The following UNC5CL variants were observed in gnomAD, a reference collection of about 807,000 sequenced individuals.
UNC5CL encodes unc-5 family C-terminal like.
UNC5CL carries 42 observed loss-of-function variants against 54.1 expected under a neutral mutation model. The ratio of observed to expected loss-of-function variants is 0.78; its 90% CI spans 0.61 to 1.00. The LOEUF is 1.00. Ranked by LOEUF, UNC5CL falls within the 50% of genes least tolerant of loss-of-function variation. UNC5CL has a pLI of 0.00. For synonymous variants in UNC5CL, 285 were observed against 285.1 expected (o/e 1.00, Z 0.00); for missense variants, 619 against 675.6 (o/e 0.92, Z 0.93).
chr6:41,028,394 C>G lies in UNC5CL; in HGVS notation c.1536G>C (p.Leu512=), dbSNP rs1271469420. 6.3e-7 allele frequency: 1 copy of G among 1,597,526 alleles called. No individual in the cohort carries two copies. Among genetic ancestry groups the G allele is most frequent in the South Asian group, 1.1e-5 (1 of 89,720 alleles). The part of the protein sequence containing the change: ...ERGGARDNQG[L]ELDEKL ...GCGCTCAGAGCTTCTCGTCCAGCTC[C>G]AGGCCCTGGTTATCCCGGGCGCCCC... The change falls in exon 9 of 9, where the codon CTG becomes CTC. Residue 512 remains leucine (L), a synonymous_variant. Transcript: ENST00000244565. This position sits in a 1 kb window ranked among gnomAD's most constrained non-coding sequence, Gnocchi z 4.3.
rs774841423 is a variant in UNC5CL, at chr6:41,031,752, TA to T, written c.1052-5del. 7.6e-5 allele frequency: 123 copies of T among 1,613,974 alleles called. No individual in the cohort carries two copies. Among genetic ancestry groups the T allele is most frequent in the Non-Finnish European group, 8.4e-5 (99 of 1,180,018 alleles). ...GAACAGTCCTCATTCTCATCGGCTA[TA>T]AAGAGAAGGTGACAGCGTGGCCAGT... On this transcript the variant is annotated splice_region_variant and splice_polypyrimidine_tract_variant and intron_variant, in intron 5 of 8. Coordinates refer to ENST00000244565, the MANE Select transcript of UNC5CL (RefSeq NM_173561.3).
At position 41,038,638 on chromosome 6, in the gene UNC5CL, C is replaced by G. The variant is rs571023252; in HGVS notation, c.-62+524G>C. 1.1e-4 allele frequency among the ~76,000 whole-genome samples: 17 copies of G among 152,310 alleles called. No homozygotes were observed. In the South Asian group the frequency reaches 3.5e-3, roughly 32 times the overall value. On this transcript the variant is annotated intron_variant, in intron 1 of 8. Transcript: ENST00000244565. ...GACTTGGGGCATCCCAACCCCATGC[C>G]TGGACTCCTCATTACCCACTCCTCC...
Position 41,028,327 on chromosome 6 carries a change from A to C in UNC5CL, c.*46T>G. The stretch of plus-strand genomic sequence containing the variant: ...GTGTTCCTCTTAGGCGTAGGAGAAC[A>C]ACCCCTCTCGCCCCTACACCTCCTC... On this transcript the variant is annotated 3_prime_UTR_variant, in exon 9 of 9. Transcript: ENST00000244565. The surrounding 1 kb of genome is among the most constrained non-coding windows in gnomAD (Gnocchi z 4.3). 6.7e-7 allele frequency: 1 copy of C among 1,490,054 alleles called. No homozygotes were observed. Among genetic ancestry groups the C allele is most frequent in the Non-Finnish European group, 9.0e-7 (1 of 1,114,068 alleles). 92.3% of individuals were successfully genotyped at this position (1,490,054 alleles called of 1,614,324 possible).
rs1166836167 is a variant in UNC5CL, at chr6:41,030,737, T to A, written c.1138A>T (p.Met380Leu). The change falls in exon 7 of 9, where the codon ATG becomes TTG. Residue 380 changes from methionine to leucine, a missense_variant. Met to Leu is a conservative substitution (Grantham distance 15, BLOSUM62 2). Coordinates refer to ENST00000244565, the MANE Select transcript of UNC5CL (RefSeq NM_173561.3). Reference protein sequence around the residue: ...TFQDGLETKYMEILRFQASEE... With the variant: ...TFQDGLETKYLEILRFQASEE... ...GATGCCTGGAATCTGAGGATTTCCA[T>A]ATACTTGGTCTCCAAGCCCTGAGTC... 3.1e-6 allele frequency: 5 copies of A among 1,613,942 alleles called. No homozygotes were observed. The highest frequency in any genetic ancestry group is 4.2e-6 in the Non-Finnish European group (5 of 1,179,998).
intron 4 of UNC5CL, among the ~76,000 whole-genome samples, chr6:41,032,672 A>AAT (rs2114008187): frequency 6.6e-6 from 1 of 152,268 alleles, no homozygotes; most frequent in South Asian, 2.1e-4. Context: ...GAGGCAGGAG[A>AAT]ATAACTTGAA....
intron 1 of UNC5CL, among the ~76,000 whole-genome samples, chr6:41,037,255 A>G (rs1762536701): frequency 6.6e-6 from 1 of 152,222 alleles, no homozygotes; most frequent in Non-Finnish European, 1.5e-5. Flanking sequence ...CCGGCTGTGT[A>G]TCGGACACTG....
chr6:41,032,840 G>A, intron 4 of UNC5CL, 44 bp downstream of exon 4: 1 of 1,529,042 alleles, frequency 6.5e-7, no homozygotes, highest in Non-Finnish European at 8.8e-7. Flanking sequence ...TCATTCCTGT[G>A]GGGCTCCCGA....
rs1762405529 is a variant in UNC5CL at position 41,027,849 on chromosome 6, CT to C, written c.*523del. On this transcript the variant is annotated 3_prime_UTR_variant, in exon 9 of 9. Coordinates refer to ENST00000244565, the MANE Select transcript of UNC5CL (RefSeq NM_173561.3). ...CTCCAGCCCGCACTCAGCTCTTCCC[CT>C]CTCAACTCCTAAAGCCACACCCACC... is the stretch of plus-strand genomic sequence containing the variant. 2 of 153,076 alleles carry C rather than the reference CT, an allele frequency of 1.3e-5. No homozygotes were observed. The highest frequency in any genetic ancestry group is 1.3e-4 in the Admixed American group (2 of 15,300). The allele number at this position is 153,076 out of a possible 1,614,324, so 9.5% of individuals were successfully genotyped here.
chr6:41,027,258 A>G lies in UNC5CL; in HGVS notation c.*1115T>C, dbSNP rs996655253. On this transcript the variant is annotated 3_prime_UTR_variant, in exon 9 of 9. Coordinates refer to ENST00000244565, the MANE Select transcript of UNC5CL (RefSeq NM_173561.3). Reference sequence around the variant, plus strand: ...CCTGTCTCTTTCAACAGTCTTTGATACATAACATTGGTTTAGAGACATATG... The same window carrying G: ...CCTGTCTCTTTCAACAGTCTTTGATGCATAACATTGGTTTAGAGACATATG... 8 of 152,228 alleles carry G rather than the reference A, an allele frequency of 5.3e-5. No individual in the cohort carries two copies. Among genetic ancestry groups the G allele is most frequent in the African/African-American group, 1.7e-4 (7 of 41,436 alleles). 9.4% of individuals were successfully genotyped at this position (152,228 alleles called of 1,614,324 possible).
At position 41,034,776 on chromosome 6, in the gene UNC5CL, A is replaced by G; in HGVS notation, c.299T>C (p.Leu100Pro). 1 of 1,614,038 alleles carries G rather than the reference A, an allele frequency of 6.2e-7. No individual in the cohort carries two copies. The highest frequency in any genetic ancestry group is 2.2e-5 in the East Asian group (1 of 44,880). Reference protein sequence around the residue: ...QTMVRQLMHKLLVFSAREVDH... With the variant: ...QTMVRQLMHKPLVFSAREVDH... ...CACCTCTCGAGCCGAAAACACCAAC[A>G]GTTTGTGCATCAACTGGCGGACCAT... The change falls in exon 2 of 9, where the codon CTG (leucine) becomes CCG (proline). Residue 100 changes from leucine (L) to proline (P), a missense_variant. By Grantham distance (98) the Leu-to-Pro change is moderately conservative. Coordinates refer to ENST00000244565, the MANE Select transcript of UNC5CL (RefSeq NM_173561.3).
Position 41,035,095 on chromosome 6 carries a change from G to A in UNC5CL, c.-21C>T, listed in dbSNP as rs541862065. On this transcript the variant is annotated 5_prime_UTR_variant, in exon 2 of 9. Coordinates refer to ENST00000244565, the MANE Select transcript of UNC5CL (RefSeq NM_173561.3). ...CACATTCGCCTGGTTACTCAATGCCGCTGGCTCTCCTTCACCCCTGTGCCA... is the reference window on the plus strand; with the variant it reads ...CACATTCGCCTGGTTACTCAATGCCACTGGCTCTCCTTCACCCCTGTGCCA... 49 of 1,537,760 alleles carry A rather than the reference G, an allele frequency of 3.2e-5. No homozygotes were observed. Among genetic ancestry groups the A allele is most frequent in the Middle Eastern group, 2.4e-4 (1 of 4,088 alleles).
Position 41,028,410 on chromosome 6 carries a change from C to G in UNC5CL, c.1520G>C (p.Arg507Pro). The G allele has an allele frequency of 6.2e-7, 1 of 1,606,830 alleles. No individual in the cohort carries two copies. Among genetic ancestry groups the G allele is most frequent in the Non-Finnish European group, 8.5e-7 (1 of 1,176,968 alleles). Reference protein sequence around the residue: ...GSPGPERGGARDNQGLELDEK... With the variant: ...GSPGPERGGAPDNQGLELDEK... The stretch of plus-strand genomic sequence containing the variant: ...GTCCAGCTCCAGGCCCTGGTTATCC[C>G]GGGCGCCCCCGCGCTCGGGGCCTGG... Residue 507 changes from arginine (R) to proline (P), a missense_variant, in exon 9 of 9, where the codon CGG becomes CCG. Physicochemically the swap from Arg to Pro is moderately radical, Grantham distance 103. Coordinates refer to ENST00000244565, the MANE Select transcript of UNC5CL (RefSeq NM_173561.3). The surrounding 1 kb of genome is among the most constrained non-coding windows in gnomAD (Gnocchi z 4.3).
Position 41,028,698 on chromosome 6 carries a change from C to A in UNC5CL, c.1335-103G>T. The A allele has an allele frequency of 4.5e-6, 5 of 1,106,580 alleles. No individual in the cohort carries two copies. Among genetic ancestry groups the A allele is most frequent in the Non-Finnish European group, 6.4e-6 (5 of 780,390 alleles). The allele number at this position is 1,106,580 out of a possible 1,614,324, so 68.5% of individuals were successfully genotyped here. ...GCGCAGCGCAAGGTCCGTCCCTTCC[C>A]CATCCTGTAGCTTTTGTCCTTGTCC... On this transcript the variant is annotated intron_variant, in intron 8 of 8. Coordinates refer to ENST00000244565, the MANE Select transcript of UNC5CL (RefSeq NM_173561.3). The surrounding 1 kb of genome is among the most constrained non-coding windows in gnomAD (Gnocchi z 4.3).
chr6:41,033,678 T>C, intron 3 of UNC5CL: 1 of 611,872 alleles, frequency 1.6e-6, no homozygotes, highest in Non-Finnish European at 2.8e-6. Flanking sequence ...GCAATGGGAT[T>C]TGCAGTCATG....
rs1346574724 is a variant in UNC5CL at position 41,027,088 on chromosome 6, A to G, written c.*1285T>C. Reference sequence around the variant, plus strand: ...CCCAGCCCATTCATGTCTTTTGTATACAGTATCAAACACATAGTAGGTGCT... The same window carrying G: ...CCCAGCCCATTCATGTCTTTTGTATGCAGTATCAAACACATAGTAGGTGCT... On this transcript the variant is annotated 3_prime_UTR_variant, in exon 9 of 9. Transcript: ENST00000244565. 1 of 152,208 alleles carries G rather than the reference A, an allele frequency of 6.6e-6. No individual in the cohort carries two copies. Among genetic ancestry groups the G allele is most frequent in the Non-Finnish European group, 1.5e-5 (1 of 68,028 alleles). The allele number at this position is 152,208 out of a possible 1,614,324, so 9.4% of individuals were successfully genotyped here.
In UNC5CL at chr6:41,034,144, C is replaced by T; in HGVS notation, c.423G>A (p.Leu141=). 4.3e-6 allele frequency: 7 copies of T among 1,612,342 alleles called. No homozygotes were observed. Among genetic ancestry groups the T allele is most frequent in the Non-Finnish European group, 5.9e-6 (7 of 1,178,866 alleles). ...CGTCCGACAGGTCCCACACCAGGAT[C>T]AAAGACACCCGCTCCTGGCGGCCCA... ...VAVGRQERVS[L]ILVWDLSDAP... Residue 141 remains leucine (L), a synonymous_variant, in exon 3 of 9, where the codon TTG becomes TTA. Transcript: ENST00000244565.
intron 5 of UNC5CL, 105 bp downstream of exon 5, chr6:41,031,931 T>C (rs1488472780): frequency 2.3e-6 from 3 of 1,300,562 alleles, no homozygotes; most frequent in Non-Finnish European, 3.3e-6. Context: ...TCTGTGTGCA[T>C]GGCTGCATGG....
chr6:41,028,355 GC>G lies in UNC5CL; in HGVS notation c.*17del. ...CCCTCTCGCCCCTACACCTCCTCCG[GC>G]CCTGCCCGCTGGGCGCTCAGAGCTT... On this transcript the variant is annotated 3_prime_UTR_variant, in exon 9 of 9. Transcript: ENST00000244565. The surrounding 1 kb of genome is among the most constrained non-coding windows in gnomAD (Gnocchi z 4.3). The G allele has an allele frequency of 1.9e-6, 3 of 1,551,310 alleles. No individual in the cohort carries two copies. In the South Asian group the frequency reaches 3.5e-5, roughly 18 times the overall value.
At position 41,034,701 on chromosome 6, in the gene UNC5CL, A is replaced by G. The variant is rs149857602; in HGVS notation, c.374T>C (p.Leu125Pro). The G allele has an allele frequency of 3.1e-6, 5 of 1,602,572 alleles. No homozygotes were observed. The highest frequency in any genetic ancestry group is 4.2e-6 in the Non-Finnish European group (5 of 1,179,480). The change falls in exon 2 of 9, where the codon CTC becomes CCC. Residue 125 changes from leucine (L) to proline (P), a missense_variant. Coordinates refer to ENST00000244565, the MANE Select transcript of UNC5CL (RefSeq NM_173561.3). ...LMLQDTGISL[L>P]IPPGAVAVGR... is the part of the protein sequence containing the mutation. Reference sequence around the variant, plus strand: ...CCAGGAGCTGTTACCTGGTGGGATGAGCAAGGAGATGCCTGTATCCTGGAG... The same window carrying G: ...CCAGGAGCTGTTACCTGGTGGGATGGGCAAGGAGATGCCTGTATCCTGGAG...
Sources: allele counts gnomAD v4.1 joint callset (sites outside exome capture counted in the v4.1 genomes callset), GRCh38; gene constraint gnomAD v4.1.1; non-coding constraint Gnocchi (gnomAD v3.1); transcripts MANE v1.5; gene names NCBI Gene and HGNC (gene_info 2026-07-23, HGNC 2026-07-21).